The following STAM2 variants were observed in gnomAD, a reference collection of about 807,000 sequenced individuals.
STAM2 encodes signal transducing adapter molecule 2.
In STAM2, 51 loss-of-function variants were observed where a neutral mutation model predicts 65.6. The observed-to-expected ratio is 0.78, with a 90% CI of 0.62 to 0.98. STAM2 has a LOEUF of 0.98. Among genes scored for constraint, STAM2 ranks in the 50% least tolerant of loss-of-function variants. The pLI, the probability that STAM2 is intolerant of heterozygous loss-of-function variation, is 0.00. For synonymous variants in STAM2, 198 were observed against 208.4 expected, an observed-to-expected ratio of 0.95 and a Z score of 0.43; for missense variants, 584 against 617.8, an observed-to-expected ratio of 0.95 and a Z score of 0.58.
intron 1 of STAM2, among the ~76,000 whole-genome samples, chr2:152,173,549 A>C (rs976371566): frequency 8.6e-5 from 13 of 151,648 alleles, no homozygotes; most frequent in Non-Finnish European, 1.3e-4. Context: ...GGCACGCGCC[A>C]CCATGCCTGG....
intron 1 of STAM2, among the ~76,000 whole-genome samples, chr2:152,161,754 T>G (rs1689682716): frequency 6.6e-6 from 1 of 152,196 alleles, no homozygotes; most frequent in Non-Finnish European, 1.5e-5. Context: ...TGTTTATCGA[T>G]GCAAATCTTT....
At chr2:152,143,732 G>A in intron 7 of STAM2, 95 bp downstream of exon 7, 1 of 1,000,576 alleles carries the variant, frequency 1.0e-6, no homozygotes, top group South Asian at 2.0e-5. Context: ...GTTCTATTAT[G>A]ATTTAAATAC....
At chr2:152,155,414 G>A (rs1295939875) in intron 1 of STAM2, among the ~76,000 whole-genome samples, 4 of 152,142 alleles carry the variant, frequency 2.6e-5, no homozygotes, top group Admixed American at 6.5e-5. Context: ...AATATTCAAC[G>A]GGCTACATAG....
At chr2:152,144,811 A>T in intron 6 of STAM2, 77 bp downstream of exon 6, 1 of 1,239,998 alleles carries the variant, frequency 8.1e-7, no homozygotes, top group Non-Finnish European at 1.2e-6. Flanking sequence ...TGCTGGGATT[A>T]CAGGCGTGAG....
intron 7 of STAM2, among the ~76,000 whole-genome samples, chr2:152,136,436 C>T (rs1457984277): frequency 1.3e-5 from 2 of 151,420 alleles, no homozygotes; most frequent in African/African-American, 4.9e-5. Context: ...GAGACTCTGT[C>T]TCAAAAAAAA....
At chr2:152,146,263 C>T (rs1292774556) in intron 5 of STAM2, among the ~76,000 whole-genome samples, 3 of 130,576 alleles carry the variant, frequency 2.3e-5, no homozygotes, top group African/African-American at 6.3e-5. Flanking sequence ...AAGAGCAAAA[C>T]TCCATCTCAA....
intron 12 of STAM2, chr2:152,124,622 CA>C (rs1688918500): frequency 1.3e-5 from 2 of 152,196 alleles, no homozygotes; most frequent in Admixed American, 1.3e-4. Flanking sequence ...AATATAGCAT[CA>C]AAACAATGCA....
intron 4 of STAM2, 107 bp from the exon 5 acceptor site, chr2:152,147,415 A>C: frequency 9.1e-7 from 1 of 1,099,424 alleles, no homozygotes; most frequent in Non-Finnish European, 1.2e-6. Context: ...AATTATATGA[A>C]CATCAACAAA....
At chr2:152,168,203 C>T (rs1011711877) in intron 1 of STAM2, among the ~76,000 whole-genome samples, 5 of 151,940 alleles carry the variant, frequency 3.3e-5, no homozygotes, top group Non-Finnish European at 5.9e-5. Flanking sequence ...CTCTGTCGTC[C>T]GGGCTGGAGT....
intron 1 of STAM2, among the ~76,000 whole-genome samples, chr2:152,158,807 C>A (rs1306626674): frequency 6.6e-5 from 10 of 151,924 alleles, no homozygotes; most frequent in Admixed American, 5.9e-4. Context: ...GGTAGAAGGA[C>A]AAGGGAGAGT....
At chr2:152,131,330 G>A (rs1294826055) in intron 11 of STAM2, among the ~76,000 whole-genome samples, 1 of 152,008 alleles carries the variant, frequency 6.6e-6, no homozygotes, top group Non-Finnish European at 1.5e-5. Context: ...GTGCACGCCT[G>A]TAATCCTAGC....
intron 13 of STAM2, among the ~76,000 whole-genome samples, chr2:152,121,533 C>T (rs563679904): frequency 1.4e-3 from 213 of 152,270 alleles, no homozygotes; most frequent in South Asian, 8.5e-3. Flanking sequence ...AGAAGTCCAC[C>T]TCTTCTCTGT....
chr2:152,135,524 T>C lies in STAM2; in HGVS notation c.784A>G (p.Ile262Val). ...PSNFVTTNLN[I>V]ETEAAAVDKL... is the part of the protein sequence containing the mutation. ...TTTAACTTACCTGCCTCAGTCTCTA[T>C]GTTTAAATTAGTTGTTACAAAATTG... Residue 262 changes from isoleucine (I) to valine (V), a missense_variant, in exon 8 of 14, where the codon ATA becomes GTA. By Grantham distance (29) the Ile-to-Val change is conservative. Coordinates refer to ENST00000263904, the MANE Select transcript of STAM2 (RefSeq NM_005843.6). 1.2e-6 allele frequency: 2 copies of C among 1,610,272 alleles called. No homozygotes were observed. Among genetic ancestry groups the C allele is most frequent in the African/African-American group, 1.3e-5 (1 of 74,934 alleles).
chr2:152,123,622 C>T, intron 13 of STAM2, 144 bp downstream of exon 13: 1 of 836,072 alleles, frequency 1.2e-6, no homozygotes, highest in Non-Finnish European at 1.8e-6. Context: ...GTATGGGTAG[C>T]AAAGCTAAGG....
chr2:152,169,282 T>C (rs1689856391), intron 1 of STAM2, among the ~76,000 whole-genome samples: 2 of 152,324 alleles, frequency 1.3e-5, no homozygotes, highest in Admixed American at 1.3e-4. Flanking sequence ...TTTCGTTTTT[T>C]TGTTTTGTTC....
chr2:152,123,939 T>C lies in STAM2; in HGVS notation c.1180-4A>G, dbSNP rs144201589. Reference sequence around the variant, plus strand: ...CATGTGATTGAACTGGATATGTCTATTAATCAGAAAGAAAAAGTTGATTCA... The same window carrying C: ...CATGTGATTGAACTGGATATGTCTACTAATCAGAAAGAAAAAGTTGATTCA... On this transcript the variant is annotated splice_polypyrimidine_tract_variant and splice_region_variant and intron_variant, in intron 12 of 13. Transcript: ENST00000263904. 5 of 1,610,096 alleles carry C rather than the reference T, an allele frequency of 3.1e-6. No homozygotes were observed. The highest frequency in any genetic ancestry group is 1.3e-5 in the African/African-American group (1 of 74,884).
intron 7 of STAM2, 104 bp downstream of exon 7, chr2:152,143,723 T>C (rs1430725981): frequency 3.0e-5 from 26 of 865,374 alleles, no homozygotes. Context: ...TATGAAATGG[T>C]TCTATTATGA....
chr2:152,158,627 T>G (rs1420323781), intron 1 of STAM2, among the ~76,000 whole-genome samples: 1 of 152,172 alleles, frequency 6.6e-6, no homozygotes, highest in African/African-American at 2.4e-5. Context: ...CTAAAGCAAT[T>G]TAGAACTTTG....
At chr2:152,164,640 C>T (rs1043589296) in intron 1 of STAM2, among the ~76,000 whole-genome samples, 2 of 152,182 alleles carry the variant, frequency 1.3e-5, no homozygotes, top group Non-Finnish European at 2.9e-5. Flanking sequence ...CTGCGCCCAG[C>T]TGATTAACTC....
Sources: allele counts gnomAD v4.1 joint callset (sites outside exome capture counted in the v4.1 genomes callset), GRCh38; gene constraint gnomAD v4.1.1; transcripts MANE v1.5; gene names NCBI Gene and HGNC (gene_info 2026-07-23, HGNC 2026-07-21).